Variants in KPNA1 observed in about 807,000 individuals in gnomAD.
The protein encoded by KPNA1 is karyopherin subunit alpha 1.
A neutral mutation model predicts 70.5 loss-of-function variants in KPNA1; 10 were observed. The ratio of observed to expected loss-of-function variants is 0.14; its 90% CI spans 0.09 to 0.24. The LOEUF is 0.24. KPNA1 is among the 10% of genes least tolerant of loss of function. The pLI, the probability that KPNA1 is intolerant of heterozygous loss-of-function variation, is 1.00. For synonymous variants in KPNA1, 192 were observed against 221.9 expected (o/e 0.87, Z 1.20); for missense variants, 397 against 637.9 (o/e 0.62, Z 4.07).
chr3:122,488,134 T>C, intron 2 of KPNA1, among the ~76,000 whole-genome samples: 1 of 152,156 alleles, frequency 6.6e-6, no homozygotes, highest in South Asian at 2.1e-4. Flanking sequence ...GTAACTCCTA[T>C]AAAAGTAATG....
chr3:122,490,530 T>C (rs2076686369), intron 2 of KPNA1, among the ~76,000 whole-genome samples: 1 of 152,192 alleles, frequency 6.6e-6, no homozygotes, highest in Non-Finnish European at 1.5e-5. Context: ...AAATACCCTA[T>C]TTTTACCCAA....
chr3:122,453,861 C>A lies in KPNA1; in HGVS notation c.564+9G>T. The A allele has an allele frequency of 6.3e-7, 1 of 1,588,790 alleles. No homozygotes were observed. Among genetic ancestry groups the A allele is most frequent in the Non-Finnish European group, 8.5e-7 (1 of 1,170,134 alleles). On this transcript the variant is annotated intron_variant, in intron 6 of 13. Coordinates refer to ENST00000344337, the MANE Select transcript of KPNA1 (RefSeq NM_002264.4). Reference sequence around the variant, plus strand: ...TTCTTTCACCTGCTTCTTTTTGTTTCATTTTTACCTGTTCCTGGACATCTT... The same window carrying A: ...TTCTTTCACCTGCTTCTTTTTGTTTAATTTTTACCTGTTCCTGGACATCTT...
chr3:122,445,335 T>G lies in KPNA1; in HGVS notation c.918-3219A>C, dbSNP rs564568402. Among the ~76,000 whole-genome samples the G allele has an allele frequency of 5.3e-5, 8 of 152,242 alleles. No homozygotes were observed. The East Asian group carries it at 1.5e-3, about 29-fold the overall frequency. On this transcript the variant is annotated intron_variant, in intron 9 of 13. Coordinates refer to ENST00000344337, the MANE Select transcript of KPNA1 (RefSeq NM_002264.4). The stretch of plus-strand genomic sequence containing the variant: ...TGAAGATCAAATTAATGAAATAAAG[T>G]GTGAAGACAAGATTAGAGAAAAAAG...
intron 2 of KPNA1, among the ~76,000 whole-genome samples, chr3:122,474,338 A>G (rs1290093229): frequency 6.6e-6 from 1 of 152,180 alleles, no homozygotes; most frequent in African/African-American, 2.4e-5. Flanking sequence ...CACCAAGATG[A>G]TTCTAAAATG....
In KPNA1 at chr3:122,433,651, T is replaced by C; in HGVS notation, c.1250+10A>G. 3.8e-6 allele frequency: 6 copies of C among 1,581,622 alleles called. No individual in the cohort carries two copies. The highest frequency in any genetic ancestry group is 5.1e-6 in the Non-Finnish European group (6 of 1,169,020). Reference sequence around the variant, plus strand: ...TTTAACTTACAATATGCTGCCTGATTGGTACTTACTTGATCTGTTCAGCTG... The same window carrying C: ...TTTAACTTACAATATGCTGCCTGATCGGTACTTACTTGATCTGTTCAGCTG... On this transcript the variant is annotated intron_variant, in intron 12 of 13. Coordinates refer to ENST00000344337, the MANE Select transcript of KPNA1 (RefSeq NM_002264.4).
At chr3:122,436,576 T>C (rs989443112) in intron 11 of KPNA1, among the ~76,000 whole-genome samples, 24 of 152,208 alleles carry the variant, frequency 1.6e-4, no homozygotes, top group Admixed American at 1.1e-3. Context: ...AGAACCTACA[T>C]GAAACACTGG....
rs553476549 is a variant in KPNA1 at position 122,486,838 on chromosome 3, C to G, written c.129+9599G>C. ...TCCTGACCTCGTGATCCGCCCGCCT[C>G]AGCCTCCCAAAGTGCTGGGATTACA... On this transcript the variant is annotated intron_variant, in intron 2 of 13. Transcript: ENST00000344337. Among the ~76,000 whole-genome samples the G allele has an allele frequency of 3.9e-5, 6 of 152,324 alleles. No individual in the cohort carries two copies. In the South Asian group the frequency reaches 1.2e-3, roughly 32 times the overall value.
chr3:122,488,212 T>C (rs2076652419), intron 2 of KPNA1, among the ~76,000 whole-genome samples: 1 of 152,160 alleles, frequency 6.6e-6, no homozygotes, highest in African/African-American at 2.4e-5. Flanking sequence ...TCTTTGATGA[T>C]TTTTAAGTTT....
chr3:122,433,934 T>G, intron 11 of KPNA1, 146 bp from the exon 12 acceptor site: 4 of 673,890 alleles, frequency 5.9e-6, no homozygotes, highest in Non-Finnish European at 9.4e-6. Context: ...TCATTATCTC[T>G]AACCTTTTTT....
At chr3:122,497,385 C>G (rs2076776654) in intron 1 of KPNA1, among the ~76,000 whole-genome samples, 1 of 152,196 alleles carries the variant, frequency 6.6e-6, no homozygotes, top group Admixed American at 6.5e-5. Context: ...AATAACACTT[C>G]TACAACATTT....
chr3:122,432,182 A>C (rs1187425405), intron 12 of KPNA1, among the ~76,000 whole-genome samples: 1 of 152,226 alleles, frequency 6.6e-6, no homozygotes, highest in Admixed American at 6.5e-5. Flanking sequence ...TTGAACATAA[A>C]GCTTATTCAA....
chr3:122,424,920 T>C lies in KPNA1; in HGVS notation c.*2065A>G, dbSNP rs1466203556. On this transcript the variant is annotated 3_prime_UTR_variant, in exon 14 of 14. Transcript: ENST00000344337. The stretch of plus-strand genomic sequence containing the variant: ...ATGTGATGTAAAGGCAACATTGAAA[T>C]TTCTTCTTTAAATTAACCACCTAAT... 1 of 152,692 alleles carries C rather than the reference T, an allele frequency of 6.5e-6. No homozygotes were observed. Among genetic ancestry groups the C allele is most frequent in the Non-Finnish European group, 1.5e-5 (1 of 68,046 alleles). 9.5% of individuals were successfully genotyped at this position (152,692 alleles called of 1,614,324 possible).
At chr3:122,468,673 T>A (rs1397833334) in intron 2 of KPNA1, among the ~76,000 whole-genome samples, 1 of 152,178 alleles carries the variant, frequency 6.6e-6, no homozygotes, top group Non-Finnish European at 1.5e-5. Flanking sequence ...AATTTAAAAC[T>A]ACGATTAATA....
intron 11 of KPNA1, among the ~76,000 whole-genome samples, chr3:122,435,370 T>C (rs1429884841): frequency 1.3e-5 from 2 of 152,064 alleles, no homozygotes; most frequent in Non-Finnish European, 2.9e-5. Flanking sequence ...CTTGAGTTAC[T>C]CTCCCACCAA....
At chr3:122,441,615 C>G (rs1325148469) in intron 10 of KPNA1, among the ~76,000 whole-genome samples, 1 of 149,400 alleles carries the variant, frequency 6.7e-6, no homozygotes, top group Non-Finnish European at 1.5e-5. Context: ...TTTTTTTTTT[C>G]TTTGAGCTGG....
At chr3:122,492,998 CAT>C (rs1285955563) in intron 2 of KPNA1, among the ~76,000 whole-genome samples, 1 of 152,002 alleles carries the variant, frequency 6.6e-6, no homozygotes, top group Non-Finnish European at 1.5e-5. Context: ...GTAACTATAA[CAT>C]ATCAGAAAAT....
rs745467541 is a variant in KPNA1 at position 122,451,606 on chromosome 3, G to A, written c.681C>T (p.Thr227=). 4 of 1,613,750 alleles carry A rather than the reference G, an allele frequency of 2.5e-6. No individual in the cohort carries two copies. The highest frequency in any genetic ancestry group is 8.5e-7 in the Non-Finnish European group (1 of 1,179,870). ...AAGCCCATACTGCATTCCGGGTCAT[G>A]GTCAGGCGGTTTTGCTTTGAAAATA... ...LQLFSKQNRL[T]MTRNAVWALS... is the part of the protein sequence containing the mutation. Residue 227 remains threonine, a synonymous_variant, in exon 8 of 14, where the codon ACC becomes ACT. Coordinates refer to ENST00000344337, the MANE Select transcript of KPNA1 (RefSeq NM_002264.4).
intron 2 of KPNA1, among the ~76,000 whole-genome samples, chr3:122,491,077 TTC>T (rs1388913253): frequency 6.6e-6 from 1 of 152,370 alleles, no homozygotes; most frequent in Non-Finnish European, 1.5e-5. Context: ...AAAATAATTC[TTC>T]TCTGTGTGGC....
chr3:122,495,701 T>C (rs1354034010), intron 2 of KPNA1, among the ~76,000 whole-genome samples: 2 of 141,294 alleles, frequency 1.4e-5, no homozygotes, highest in African/African-American at 5.2e-5. Flanking sequence ...CAAATGGTCC[T>C]TCAGGCTCCA....
Sources: gnomAD v4.1 joint callset for allele counts (sites outside exome capture counted in the v4.1 genomes callset) on GRCh38, gnomAD v4.1.1 for gene constraint, MANE v1.5 for transcripts, NCBI Gene and HGNC (gene_info 2026-07-23, HGNC 2026-07-21) for gene names.